GSDMC: variants seen among roughly 807,000 people sequenced by gnomAD.
The protein encoded by GSDMC is gasdermin C, also known as gasdermin-C.
GSDMC carries 59 observed loss-of-function variants against 58.0 expected under a neutral mutation model. That is an observed-to-expected ratio of 1.02 (90% confidence interval 0.82 to 1.26). The LOEUF (loss-of-function observed/expected upper bound fraction) is 1.26. GSDMC is among the 50% of genes most tolerant of loss of function. The pLI is 0.00. For missense variants in GSDMC, 659 were observed against 598.5 expected, an observed-to-expected ratio of 1.10 and a Z score of -1.06; for synonymous variants, 241 against 220.2, an observed-to-expected ratio of 1.09 and a Z score of -0.83.
chr8:129,765,737 T>C lies in GSDMC; in HGVS notation c.461A>G (p.Asn154Ser), dbSNP rs766304265. The change falls in exon 4 of 14, where the codon AAC becomes AGC. Residue 154 changes from asparagine to serine, a missense_variant. Asn to Ser is a conservative substitution (Grantham distance 46). Transcript: ENST00000276708. Reference sequence around the variant, plus strand: ...AACAGCCTCTGTCACCACGTACAGGTTGTCCCCTCTCCTCCGGCACTCCTT... The same window carrying C: ...AACAGCCTCTGTCACCACGTACAGGCTGTCCCCTCTCCTCCGGCACTCCTT... ...FLKECRRRGD[N>S]LYVVTEAVEL... is the part of the protein sequence containing the mutation. 6.2e-7 allele frequency: 1 copy of C among 1,613,304 alleles called. No individual in the cohort carries two copies. Among genetic ancestry groups the C allele is most frequent in the East Asian group, 2.2e-5 (1 of 44,872 alleles).
At chr8:129,774,305 G>A (rs59799475) in intron 3 of GSDMC, among the ~76,000 whole-genome samples, 3,438 of 152,202 alleles carry the variant, frequency 0.023, 129 homozygotes, top group African/African-American at 0.076. Flanking sequence ...TGAGATAAAG[G>A]ATAGTGTCTT....
intron 12 of GSDMC, 29 bp from the exon 13 acceptor site, chr8:129,749,554 C>T: frequency 6.4e-7 from 1 of 1,565,332 alleles, no homozygotes; most frequent in Non-Finnish European, 8.8e-7. Context: ...TGGGGAAAGA[C>T]AGTAGTGAAG....
chr8:129,720,900 T>A, the GSDMC span, among the ~76,000 whole-genome samples: 1 of 152,040 alleles, frequency 6.6e-6, no homozygotes, highest in African/African-American at 2.4e-5. Context: ...ATAAGTGCAG[T>A]GGGAAACTGA....
At chr8:129,762,538 C>A in intron 5 of GSDMC, 88 bp downstream of exon 5, 1 of 826,580 alleles carries the variant, frequency 1.2e-6, no homozygotes. Context: ...AGGTTGCATA[C>A]TATGGTTATT....
In GSDMC at chr8:129,784,385, C is replaced by T. The variant is rs76335166; in HGVS notation, c.-5+1626G>A. ...AACCAGAAAATATAAGGAGCCCACA[C>T]AACTCTATAGGAAAAAAATCTAATA... On this transcript the variant is annotated intron_variant, in intron 1 of 13. Transcript: ENST00000276708. Among the ~76,000 whole-genome samples, 1,441 of 152,064 alleles carry T rather than the reference C, an allele frequency of 9.5e-3. 22 individuals carry two copies. Among genetic ancestry groups the T allele is most frequent in the African/African-American group, 0.032 (1,310 of 41,476 alleles).
intron 6 of GSDMC, among the ~76,000 whole-genome samples, chr8:129,755,263 G>T (rs1302466096): frequency 6.6e-6 from 1 of 152,154 alleles, no homozygotes; most frequent in Non-Finnish European, 1.5e-5. Context: ...AATATGTCTG[G>T]CAGCAGACTT....
chr8:129,752,019 A>C lies in GSDMC; in HGVS notation c.886+87T>G, dbSNP rs947342603. 4.8e-6 allele frequency: 7 copies of C among 1,470,894 alleles called. No homozygotes were observed. The Middle Eastern group carries it at 5.2e-4, about 109-fold the overall frequency. The allele number at this position is 1,470,894 out of a possible 1,614,324, so 91.1% of individuals were successfully genotyped here. A position where few individuals can be genotyped will look rare whatever the true frequency, so the allele number is the denominator to read the frequency against. Reference sequence around the variant, plus strand: ...CCCTTTTCCCCAGAGGCCAGACCCCAAGACTTTGGGTAATAGCACCAAAGG... The same window carrying C: ...CCCTTTTCCCCAGAGGCCAGACCCCCAGACTTTGGGTAATAGCACCAAAGG... On this transcript the variant is annotated intron_variant, in intron 8 of 13. Transcript: ENST00000276708.
At chr8:129,767,503 C>T (rs1184531109) in intron 3 of GSDMC, among the ~76,000 whole-genome samples, 1 of 151,970 alleles carries the variant, frequency 6.6e-6, no homozygotes, top group East Asian at 1.9e-4. Context: ...CCCAACACAG[C>T]CTTGAAGCTC....
rs976693127 is a variant in GSDMC at position 129,760,475 on chromosome 8, T to C, written c.721+70A>G. On this transcript the variant is annotated intron_variant, in intron 6 of 13. Coordinates refer to ENST00000276708, the MANE Select transcript of GSDMC (RefSeq NM_031415.3). The stretch of plus-strand genomic sequence containing the variant: ...CCTGTATCAAAACATCTCATGTACC[T>C]TATAAATATACATACCTCCCATGTA... 3.5e-6 allele frequency: 3 copies of C among 852,924 alleles called. No individual in the cohort carries two copies. In the African/African-American group the frequency reaches 5.1e-5, roughly 15 times the overall value. The allele number at this position is 852,924 out of a possible 1,614,324, so 52.8% of individuals were successfully genotyped here.
At chr8:129,724,005 T>G in the GSDMC span, among the ~76,000 whole-genome samples, 1 of 152,222 alleles carries the variant, frequency 6.6e-6, no homozygotes, top group Non-Finnish European at 1.5e-5. Flanking sequence ...AAAGCTTGCT[T>G]TTGCATCCTA....
chr8:129,713,556 G>C, the GSDMC span, among the ~76,000 whole-genome samples: 1 of 152,184 alleles, frequency 6.6e-6, no homozygotes, highest in African/African-American at 2.4e-5. Flanking sequence ...GAAATGTGGA[G>C]AGCATACCAC....
intron 10 of GSDMC, 24 bp from the exon 11 acceptor site, chr8:129,750,594 C>T (rs2033150686): frequency 3.1e-6 from 5 of 1,610,202 alleles, no homozygotes; most frequent in Non-Finnish European, 4.2e-6. Context: ...TCAACGCCGA[C>T]CAGAAAGTGG....
At chr8:129,728,937 G>A in the GSDMC span, 4 of 661,812 alleles carry the variant, frequency 6.0e-6, no homozygotes, top group South Asian at 1.5e-5. Context: ...GAGGCCCGAG[G>A]TGGTGGCGGT....
intron 6 of GSDMC, 119 bp from the exon 7 acceptor site, chr8:129,752,939 A>C: frequency 6.7e-7 from 1 of 1,499,130 alleles, no homozygotes; most frequent in Non-Finnish European, 9.0e-7. Context: ...CGAAGGGAGC[A>C]TTTGAACAAG....
At position 129,751,887 on chromosome 8, in the gene GSDMC, G is replaced by A. The variant is rs144210778; in HGVS notation, c.891C>T (p.Tyr297=). Residue 297 remains tyrosine (Y), a synonymous_variant, in exon 9 of 14, where the codon TAC becomes TAT. Transcript: ENST00000276708. Reference sequence around the variant, plus strand: ...CTACTGGGAGGATGTGAACTTGTTCGTATTCTAAAAAAAGAAATGAAATTC... The same window carrying A: ...CTACTGGGAGGATGTGAACTTGTTCATATTCTAAAAAAAGAAATGAAATTC... ...QQFLSGHLPK[Y]EQVHILPVGR... is the part of the protein sequence containing the mutation. The A allele has an allele frequency of 5.0e-4, 800 of 1,611,604 alleles. 2 individuals carry two copies. The African/African-American group carries it at 8.6e-3, about 17-fold the overall frequency.
the GSDMC span, chr8:129,730,143 C>T: frequency 9.6e-4 from 960 of 1,001,846 alleles, 11 homozygotes; most frequent in African/African-American, 0.013. Context: ...AGATCTCACC[C>T]GAAAAAATAA....
intron 12 of GSDMC, among the ~76,000 whole-genome samples, chr8:129,749,733 G>A (rs1421666659): frequency 6.6e-6 from 1 of 152,086 alleles, no homozygotes; most frequent in East Asian, 1.9e-4. Context: ...GGGATTCAGG[G>A]GCTGAAAGCT....
chr8:129,755,863 T>C (rs1006182003), intron 6 of GSDMC, among the ~76,000 whole-genome samples: 1 of 150,192 alleles, frequency 6.7e-6, no homozygotes, highest in African/African-American at 2.5e-5. Flanking sequence ...ATCAAAAGAC[T>C]TACAATGGAC....
the GSDMC span, among the ~76,000 whole-genome samples, chr8:129,742,277 T>A: frequency 2.6e-5 from 4 of 151,948 alleles, no homozygotes; most frequent in Admixed American, 6.6e-5. Context: ...AAATGCCCCA[T>A]CACAAAAAAT....
Sources: allele counts gnomAD v4.1 joint callset (sites outside exome capture counted in the v4.1 genomes callset), GRCh38; gene constraint gnomAD v4.1.1; transcripts MANE v1.5; gene names NCBI Gene and HGNC (gene_info 2026-07-23, HGNC 2026-07-21).